Variants in ELAVL2 observed in about 807,000 individuals in gnomAD.
ELAVL2 encodes ELAV-like protein 2.
In ELAVL2, 4 loss-of-function variants were observed where a neutral mutation model predicts 34.6. The observed-to-expected ratio is 0.12, with a 90% CI of 0.06 to 0.26. ELAVL2 has a LOEUF of 0.26. Among genes scored for constraint, ELAVL2 ranks in the 10% least tolerant of loss-of-function variants. The pLI is 1.00. For synonymous variants in ELAVL2, 193 were observed against 154.8 expected, an observed-to-expected ratio of 1.25 and a Z score of -1.83; for missense variants, 432 against 442.8, an observed-to-expected ratio of 0.98 and a Z score of 0.22.
At chr9:23,747,808 T>A (rs1363250661) in intron 2 of ELAVL2, among the ~76,000 whole-genome samples, 2 of 152,184 alleles carry the variant, frequency 1.3e-5, no homozygotes, top group East Asian at 3.9e-4. Flanking sequence ...ATAGCCAACG[T>A]CTGAAAATAA....
At chr9:23,816,719 T>C (rs923083258) in intron 1 of ELAVL2, among the ~76,000 whole-genome samples, 4 of 152,248 alleles carry the variant, frequency 2.6e-5, no homozygotes, top group Admixed American at 6.5e-5. Context: ...TCTCTCGATA[T>C]AGGGCAATGG....
At chr9:23,723,524 C>G (rs948357539) in intron 3 of ELAVL2, among the ~76,000 whole-genome samples, 4 of 151,742 alleles carry the variant, frequency 2.6e-5, no homozygotes, top group African/African-American at 4.8e-5. Flanking sequence ...TGTAACTGAC[C>G]TGCACATTGT....
chr9:23,753,780 C>A (rs1487996623), intron 2 of ELAVL2, among the ~76,000 whole-genome samples: 1 of 152,138 alleles, frequency 6.6e-6, no homozygotes, highest in Non-Finnish European at 1.5e-5. Flanking sequence ...GACTACCCCC[C>A]AGAAAAGGTC....
At position 23,739,277 on chromosome 9, in the gene ELAVL2, G is replaced by A. The variant is rs184564816; in HGVS notation, c.230-8152C>T. 4.6e-5 allele frequency among the ~76,000 whole-genome samples: 7 copies of A among 152,138 alleles called. No individual in the cohort carries two copies. The East Asian group carries it at 5.8e-4, about 13-fold the overall frequency. ...CAGCACCACAATGAAAACAAAAGGC[G>A]GTTCTCATCACTTATTGATATAGGT... On this transcript the variant is annotated intron_variant, in intron 2 of 6. Transcript: ENST00000397312.
chr9:23,765,488 A>G (rs2056036069), intron 1 of ELAVL2, among the ~76,000 whole-genome samples: 1 of 151,934 alleles, frequency 6.6e-6, no homozygotes, highest in South Asian at 2.1e-4. Context: ...TAGTGGGAAA[A>G]AGTCATCATG....
chr9:23,747,261 T>A (rs904582725), intron 2 of ELAVL2, among the ~76,000 whole-genome samples: 1 of 152,156 alleles, frequency 6.6e-6, no homozygotes, highest in Non-Finnish European at 1.5e-5. Context: ...ATTCACATCC[T>A]GGGCAGGAAG....
At chr9:23,725,283 T>G (rs2044800655) in intron 3 of ELAVL2, among the ~76,000 whole-genome samples, 1 of 152,160 alleles carries the variant, frequency 6.6e-6, no homozygotes. Flanking sequence ...CTATAACGCA[T>G]AACTCAGGCT....
At position 23,825,995 on chromosome 9, in the gene ELAVL2, A is replaced by T. The variant is rs1270274675; in HGVS notation, c.-205T>A. 2.0e-5 allele frequency: 3 copies of T among 151,996 alleles called. No individual in the cohort carries two copies. Among genetic ancestry groups the T allele is most frequent in the African/African-American group, 7.3e-5 (3 of 41,378 alleles). 9.4% of individuals were successfully genotyped at this position (151,996 alleles called of 1,614,324 possible). ...AAGTCCAATGCTAAAAGAAATGGCGAAAAAAAATATGAAAGGGGAGGGGAA... is the reference window on the plus strand; with the variant it reads ...AAGTCCAATGCTAAAAGAAATGGCGTAAAAAAATATGAAAGGGGAGGGGAA... On this transcript the variant is annotated 5_prime_UTR_variant, in exon 1 of 7. Transcript: ENST00000397312.
chr9:23,759,735 G>A (rs13293024), intron 2 of ELAVL2, among the ~76,000 whole-genome samples: 4,015 of 117,762 alleles, frequency 0.034, 85 homozygotes, highest in East Asian at 0.088. Context: ...ATATATATGT[G>A]TATACATCAT....
chr9:23,825,820 G>A lies in ELAVL2; in HGVS notation c.-30C>T, dbSNP rs1411905155. 6.6e-6 allele frequency: 1 copy of A among 152,204 alleles called. No homozygotes were observed. Among genetic ancestry groups the A allele is most frequent in the Non-Finnish European group, 1.5e-5 (1 of 68,044 alleles). 9.4% of individuals were successfully genotyped at this position (152,204 alleles called of 1,614,324 possible). On this transcript the variant is annotated 5_prime_UTR_variant, in exon 1 of 7. Coordinates refer to ENST00000397312, the MANE Select transcript of ELAVL2 (RefSeq NM_004432.5). ...CCGAAACTTACCTTTCTCCCTTAAG[G>A]TTTTTGTGTATGTGTGTTTTTAAAG...
At chr9:23,773,729 T>C (rs1176364998) in intron 1 of ELAVL2, among the ~76,000 whole-genome samples, 1 of 152,212 alleles carries the variant, frequency 6.6e-6, no homozygotes, top group Non-Finnish European at 1.5e-5. Flanking sequence ...AGCCTTTGAA[T>C]TATTTCCACT....
intron 1 of ELAVL2, among the ~76,000 whole-genome samples, chr9:23,768,773 G>C (rs1564373276): frequency 1.3e-5 from 2 of 152,104 alleles, no homozygotes; most frequent in Non-Finnish European, 2.9e-5. Context: ...ATGGGCATGT[G>C]GAATTTGGGT....
At chr9:23,793,873 G>C (rs1302992511) in intron 1 of ELAVL2, among the ~76,000 whole-genome samples, 1 of 152,040 alleles carries the variant, frequency 6.6e-6, no homozygotes, top group East Asian at 1.9e-4. Flanking sequence ...TTCATTATAA[G>C]CTTTGCTGAT....
chr9:23,809,243 C>G (rs1264822769), intron 1 of ELAVL2, among the ~76,000 whole-genome samples: 1 of 152,104 alleles, frequency 6.6e-6, no homozygotes, highest in African/African-American at 2.4e-5. Flanking sequence ...CTTATTTTCT[C>G]ACGTTTACAC....
At chr9:23,725,412 C>A (rs1266276713) in intron 3 of ELAVL2, among the ~76,000 whole-genome samples, 1 of 152,116 alleles carries the variant, frequency 6.6e-6, no homozygotes, top group Non-Finnish European at 1.5e-5. Flanking sequence ...AGCATTATGG[C>A]TATTAGAGCC....
At chr9:23,735,595 A>C (rs2047690701) in intron 2 of ELAVL2, 1 of 152,204 alleles carries the variant, frequency 6.6e-6, no homozygotes, top group African/African-American at 2.4e-5. Context: ...CTTGATTTTA[A>C]TGGCCTTGGT....
chr9:23,762,922 T>C (rs2055369180), intron 1 of ELAVL2, among the ~76,000 whole-genome samples: 1 of 152,088 alleles, frequency 6.6e-6, no homozygotes, highest in Non-Finnish European at 1.5e-5. Context: ...GAGCTATGAA[T>C]ACTTTGTCTA....
At chr9:23,796,809 C>T (rs1194662011) in intron 1 of ELAVL2, among the ~76,000 whole-genome samples, 2 of 152,156 alleles carry the variant, frequency 1.3e-5, no homozygotes, top group Non-Finnish European at 2.9e-5. Context: ...CCTTGCCCTT[C>T]GTCCTTTGTA....
chr9:23,712,300 TC>T (rs2041187243), intron 3 of ELAVL2, among the ~76,000 whole-genome samples: 1 of 152,092 alleles, frequency 6.6e-6, no homozygotes, highest in Admixed American at 6.5e-5. Flanking sequence ...GTCTTCAAAA[TC>T]ATAAAATCTT....
Sources: allele counts gnomAD v4.1 joint callset (sites outside exome capture counted in the v4.1 genomes callset), GRCh38; gene constraint gnomAD v4.1.1; transcripts MANE v1.5; gene names NCBI Gene and HGNC (gene_info 2026-07-23, HGNC 2026-07-21).